SGCZ: variants seen among roughly 807,000 people sequenced by gnomAD.
SGCZ encodes sarcoglycan zeta.
Under a neutral mutation model 41.3 loss-of-function variants are expected in SGCZ, and 40 were observed. The observed-to-expected ratio is 0.97, with a 90% CI of 0.75 to 1.26. The LOEUF is 1.26. Among genes scored for constraint, SGCZ ranks in the 50% most tolerant of loss-of-function variants. The probability of loss-of-function intolerance (pLI) is 0.00; values close to 1 mark genes in which losing one functional copy is unlikely to be tolerated. For missense variants in SGCZ, 552 were observed against 369.8 expected (o/e 1.49, Z -4.04); for synonymous variants, 206 against 137.5 (o/e 1.50, Z -3.49).
At chr8:14,719,212 C>A (rs1478641054) in intron 1 of SGCZ, among the ~76,000 whole-genome samples, 1 of 149,492 alleles carries the variant, frequency 6.7e-6, no homozygotes, top group African/African-American at 2.5e-5. Context: ...CATAGTATTC[C>A]ATGGTGTATA....
chr8:14,152,450 G>A (rs957707672), intron 5 of SGCZ, among the ~76,000 whole-genome samples: 5 of 152,132 alleles, frequency 3.3e-5, no homozygotes, highest in African/African-American at 9.7e-5. Context: ...GATCGCTTGA[G>A]CCCAGAAGTT....
At chr8:14,768,361 T>C (rs1198056208) in intron 1 of SGCZ, among the ~76,000 whole-genome samples, 2 of 152,230 alleles carry the variant, frequency 1.3e-5, no homozygotes, top group East Asian at 3.9e-4. Context: ...AGTTTCCATG[T>C]TGCGTCCTAT....
intron 3 of SGCZ, among the ~76,000 whole-genome samples, chr8:14,263,487 T>G (rs186528350): frequency 6.6e-6 from 1 of 152,078 alleles, no homozygotes; most frequent in Non-Finnish European, 1.5e-5. Flanking sequence ...AGGCGGATGT[T>G]GCAGTGAGCC....
intron 1 of SGCZ, among the ~76,000 whole-genome samples, chr8:15,232,453 A>G (rs1454368412): frequency 6.6e-6 from 1 of 152,070 alleles, no homozygotes; most frequent in Non-Finnish European, 1.5e-5. Flanking sequence ...GAGTTCTAAA[A>G]TAGTCATTTG....
intron 1 of SGCZ, among the ~76,000 whole-genome samples, chr8:14,844,042 T>A (rs1479686047): frequency 2.0e-5 from 3 of 151,220 alleles, no homozygotes; most frequent in Non-Finnish European, 4.4e-5. Flanking sequence ...ATAATTCACA[T>A]TTTAAAAATT....
At chr8:14,483,964 C>CT (rs1801604429) in intron 2 of SGCZ, among the ~76,000 whole-genome samples, 1 of 152,138 alleles carries the variant, frequency 6.6e-6, no homozygotes, top group Non-Finnish European at 1.5e-5. Context: ...TTTCTTCTCT[C>CT]TACTTGGCAT....
chr8:14,596,829 G>C (rs1393673737), intron 1 of SGCZ, among the ~76,000 whole-genome samples: 1 of 151,940 alleles, frequency 6.6e-6, no homozygotes, highest in African/African-American at 2.4e-5. Context: ...CTGGAAATTA[G>C]AGTAAAATAA....
At chr8:15,126,211 A>G (rs1486469749) in intron 1 of SGCZ, among the ~76,000 whole-genome samples, 1 of 152,198 alleles carries the variant, frequency 6.6e-6, no homozygotes, top group African/African-American at 2.4e-5. Context: ...AAATCATGCT[A>G]GTAGTATCAC....
intron 3 of SGCZ, among the ~76,000 whole-genome samples, chr8:14,296,775 AG>A (rs1801026697): frequency 1.3e-5 from 2 of 152,176 alleles, no homozygotes; most frequent in Non-Finnish European, 2.9e-5. Context: ...AAGTAATAAA[AG>A]GGGGTCAAAT....
At chr8:15,114,797 G>A (rs1807207070) in intron 1 of SGCZ, among the ~76,000 whole-genome samples, 2 of 146,034 alleles carry the variant, frequency 1.4e-5, no homozygotes, top group East Asian at 2.0e-4. Flanking sequence ...AAATTCTCCT[G>A]TATGCAAATA....
chr8:14,463,635 A>G (rs1800965364), intron 2 of SGCZ, among the ~76,000 whole-genome samples: 1 of 151,720 alleles, frequency 6.6e-6, no homozygotes, highest in African/African-American at 2.4e-5. Flanking sequence ...CAAAACACAG[A>G]CAAACTGTAT....
chr8:14,725,217 G>T (rs1810011442), intron 1 of SGCZ, among the ~76,000 whole-genome samples: 1 of 152,194 alleles, frequency 6.6e-6, no homozygotes, highest in Non-Finnish European at 1.5e-5. Context: ...TGTGTATATA[G>T]ACCACCTTTA....
chr8:14,336,069 C>T (rs544234494), intron 2 of SGCZ, among the ~76,000 whole-genome samples: 6 of 152,206 alleles, frequency 3.9e-5, no homozygotes, highest in African/African-American at 1.4e-4. Context: ...CCTCCTCCCA[C>T]CTTCCATCCT....
intron 1 of SGCZ, among the ~76,000 whole-genome samples, chr8:14,999,433 G>A (rs991215154): frequency 8.5e-5 from 13 of 152,146 alleles, no homozygotes; most frequent in Admixed American, 3.9e-4. Context: ...AGGCAAAGGA[G>A]GAGGAGGAAG....
intron 1 of SGCZ, among the ~76,000 whole-genome samples, chr8:14,614,782 A>G (rs553659227): frequency 3.8e-4 from 58 of 152,316 alleles, no homozygotes; most frequent in Non-Finnish European, 6.6e-4. Flanking sequence ...GGTGGGGGAT[A>G]CATTTGAAGC....
chr8:14,638,029 T>C (rs185013018), intron 1 of SGCZ, among the ~76,000 whole-genome samples: 8 of 152,006 alleles, frequency 5.3e-5, no homozygotes, highest in East Asian at 1.9e-4. Flanking sequence ...TGAGGTTATA[T>C]TTCATTGTAG....
chr8:14,903,739 A>G (rs1799040835), intron 1 of SGCZ, among the ~76,000 whole-genome samples: 1 of 152,064 alleles, frequency 6.6e-6, no homozygotes, highest in Non-Finnish European at 1.5e-5. Context: ...AGGGACAGTC[A>G]GAGTACATTA....
intron 1 of SGCZ, among the ~76,000 whole-genome samples, chr8:14,767,095 T>G (rs1214229954): frequency 9.9e-5 from 15 of 152,248 alleles, no homozygotes; most frequent in Non-Finnish European, 1.9e-4. Flanking sequence ...TTAATCATCC[T>G]TCATAATACT....
intron 1 of SGCZ, among the ~76,000 whole-genome samples, chr8:14,637,249 C>G (rs1197672907): frequency 6.6e-6 from 1 of 151,756 alleles, no homozygotes; most frequent in Non-Finnish European, 1.5e-5. Context: ...AAACACTCTA[C>G]CAGCACTTCA....
Sources: allele counts gnomAD v4.1 joint callset (sites outside exome capture counted in the v4.1 genomes callset), GRCh38; gene constraint gnomAD v4.1.1; transcripts MANE v1.5; gene names NCBI Gene and HGNC (gene_info 2026-07-23, HGNC 2026-07-21).